The following SLC46A1 variants were observed in gnomAD, a reference collection of about 807,000 sequenced individuals.
SLC46A1 encodes the protein solute carrier family 46 member 1.
A neutral mutation model predicts 32.1 loss-of-function variants in SLC46A1; 17 were observed. The observed-to-expected ratio is 0.53, with a 90% CI of 0.36 to 0.79. The LOEUF is 0.79. Ranked by LOEUF, SLC46A1 falls within the 30% of genes least tolerant of loss-of-function variation. SLC46A1 has a pLI of 0.00. For missense variants in SLC46A1, 517 were observed against 588.2 expected, an observed-to-expected ratio of 0.88 and a Z score of 1.25; for synonymous variants, 240 against 262.7, an observed-to-expected ratio of 0.91 and a Z score of 0.84.
chr17:28,403,013 G>A (rs781818791), intron 2 of SLC46A1: 1 of 152,246 alleles, frequency 6.6e-6, no homozygotes, highest in Non-Finnish European at 1.5e-5. Context: ...GAGGAGGAGA[G>A]TCAATGTGAG....
At position 28,398,337 on chromosome 17, in the gene SLC46A1, G is replaced by A. The variant is rs1712589306; in HGVS notation, c.*1319C>T. 6.6e-6 allele frequency: 1 copy of A among 152,438 alleles called. No homozygotes were observed. The highest frequency in any genetic ancestry group is 2.1e-4 in the South Asian group (1 of 4,834). 9.4% of individuals were successfully genotyped at this position (152,438 alleles called of 1,614,324 possible). A position where few individuals can be genotyped will look rare whatever the true frequency, so the allele number is the denominator to read the frequency against. On this transcript the variant is annotated 3_prime_UTR_variant, in exon 5 of 5. Transcript: ENST00000612814. ...CCTCTGCCCGATCTTCTGTCTCTCTGAGGGAATCAGAGTCCAGCATCCAGC... is the reference window on the plus strand; with the variant it reads ...CCTCTGCCCGATCTTCTGTCTCTCTAAGGGAATCAGAGTCCAGCATCCAGC...
rs1555590576 is a variant in SLC46A1 at position 28,404,911 on chromosome 17, C to T, written c.786G>A (p.Lys262=). The stretch of plus-strand genomic sequence containing the variant: ...AGTAGAGGGCTAAATGTTTCCTGGA[C>T]TTCTCTGGGGCGGGAGCCACATAGA... ...VQLYVAPAPE[K]SRKHLALYSL... Residue 262 remains lysine, a synonymous_variant, in exon 2 of 5, where the codon AAG becomes AAA. Transcript: ENST00000612814. 6.2e-7 allele frequency: 1 copy of T among 1,613,932 alleles called. No individual in the cohort carries two copies. Among genetic ancestry groups the T allele is most frequent in the Non-Finnish European group, 8.5e-7 (1 of 1,179,906 alleles).
intron 3 of SLC46A1, 157 bp downstream of exon 3, chr17:28,402,081 G>A (rs1567816737): frequency 6.5e-6 from 4 of 615,778 alleles, no homozygotes; most frequent in Non-Finnish European, 1.1e-5. Flanking sequence ...TCTGCCCATT[G>A]TGGGCAATTT....
intron 1 of SLC46A1, 58 bp downstream of exon 1, chr17:28,405,829 T>G: frequency 4.7e-6 from 7 of 1,494,104 alleles, no homozygotes; most frequent in Non-Finnish European, 6.3e-6. Context: ...GCCCCTCCGC[T>G]GCCCCCACGC....
Position 28,405,153 on chromosome 17 carries a change from C to T in SLC46A1, c.544G>A (p.Ala182Thr). 1 of 1,611,746 alleles carries T rather than the reference C, an allele frequency of 6.2e-7. No individual in the cohort carries two copies. Among genetic ancestry groups the T allele is most frequent in the South Asian group, 1.1e-5 (1 of 90,926 alleles). The change falls in exon 2 of 5, where the codon GCC becomes ACC. Residue 182 changes from alanine to threonine, a missense_variant. Ala to Thr is a moderately conservative substitution (Grantham distance 58, BLOSUM62 0). Transcript: ENST00000612814. ...SSSRSRTFRM[A>T]LLEASIGVAG... ...ACCCCGATGCTGGCTTCCAGCAGGG[C>T]CATCCGGAAGGTGCGGCTGCGACTG...
Position 28,399,725 on chromosome 17 carries a change from CA to C in SLC46A1, c.1323-13del. On this transcript the variant is annotated splice_polypyrimidine_tract_variant and intron_variant, in intron 4 of 4. Transcript: ENST00000612814. ...CCTTTTCCAGCATCCTGTGAGAGAC[CA>C]GAGAGAGAGTTTGGATTTCATGTGG... 1 of 1,613,724 alleles carries C rather than the reference CA, an allele frequency of 6.2e-7. No homozygotes were observed. The highest frequency in any genetic ancestry group is 8.5e-7 in the Non-Finnish European group (1 of 1,179,786).
In SLC46A1 at chr17:28,395,721, G is replaced by A. The variant is rs1374184459; in HGVS notation, c.*3935C>T. 1.8e-5 allele frequency: 11 copies of A among 619,474 alleles called. No individual in the cohort carries two copies. Among genetic ancestry groups the A allele is most frequent in the East Asian group, 1.1e-4 (4 of 35,340 alleles). The allele number at this position is 619,474 out of a possible 1,614,324, so 38.4% of individuals were successfully genotyped here. A position where few individuals can be genotyped will look rare whatever the true frequency, so the allele number is the denominator to read the frequency against. On this transcript the variant is annotated 3_prime_UTR_variant, in exon 5 of 5. Coordinates refer to ENST00000612814, the MANE Select transcript of SLC46A1 (RefSeq NM_080669.6). ...AGCAGCTCTGTGCCAGGAACTCTGG[G>A]CAAAGGAAAAATATTTATTTTTTAT...
chr17:28,402,182 C>A (rs368140256), intron 3 of SLC46A1, 56 bp downstream of exon 3: 1,165 of 1,481,180 alleles, frequency 7.9e-4, no homozygotes, highest in Non-Finnish European at 1.0e-3. Context: ...CCCATCAGCC[C>A]GTTTCGGGCA....
rs1555591049 is a variant in SLC46A1 at position 28,405,427 on chromosome 17, G to T, written c.270C>A (p.Asn90Lys). The T allele has an allele frequency of 6.3e-7, 1 of 1,594,472 alleles. No individual in the cohort carries two copies. The highest frequency in any genetic ancestry group is 8.5e-7 in the Non-Finnish European group (1 of 1,171,400). The stretch of plus-strand genomic sequence containing the variant: ...AGAGCCCCACCAGGAAGCCGCCCAC[G>T]TTCATGTAGAGGGTCCAGTGGGAGG... Reference protein sequence around the residue: ...TLTSHWTLYMNVGGFLVGLFS... With the variant: ...TLTSHWTLYMKVGGFLVGLFS... Residue 90 changes from asparagine to lysine, a missense_variant, in exon 2 of 5, where the codon AAC becomes AAA. Transcript: ENST00000612814.
chr17:28,405,802 A>G (rs2068254027), intron 1 of SLC46A1, 85 bp downstream of exon 1: 4 of 1,377,756 alleles, frequency 2.9e-6, no homozygotes, highest in Non-Finnish European at 3.9e-6. Context: ...ACCCGCCACT[A>G]CCATTACGCA....
rs1049059724 is a variant in SLC46A1, at chr17:28,396,496, G to A, written c.*3160C>T. ...GGGAAGGGAAGTCAGGCTTGGGCAC[G>A]GGAGGTTAGAACTCCCCCAGGCCCT... is the stretch of plus-strand genomic sequence containing the variant. On this transcript the variant is annotated 3_prime_UTR_variant, in exon 5 of 5. Coordinates refer to ENST00000612814, the MANE Select transcript of SLC46A1 (RefSeq NM_080669.6). The A allele has an allele frequency of 1.1e-5, 7 of 613,630 alleles. No homozygotes were observed. The highest frequency in any genetic ancestry group is 6.1e-5 in the South Asian group (3 of 49,246). The allele number at this position is 613,630 out of a possible 1,614,324, so 38.0% of individuals were successfully genotyped here.
At position 28,396,459 on chromosome 17, in the gene SLC46A1, AG is replaced by A. The variant is rs1332618100; in HGVS notation, c.*3196del. The A allele has an allele frequency of 3.4e-5, 25 of 725,122 alleles. 1 individual carries two copies. The highest frequency in any genetic ancestry group is 4.9e-5 in the Non-Finnish European group (22 of 448,856). The allele number at this position is 725,122 out of a possible 1,614,324, so 44.9% of individuals were successfully genotyped here. A position where few individuals can be genotyped will look rare whatever the true frequency, so the allele number is the denominator to read the frequency against. The stretch of plus-strand genomic sequence containing the variant: ...GGCCCACCTCCAACCCACTTTCCTC[AG>A]TATCTGGAGAGGGAAGGGAAGTCAG... On this transcript the variant is annotated 3_prime_UTR_variant, in exon 5 of 5. Coordinates refer to ENST00000612814, the MANE Select transcript of SLC46A1 (RefSeq NM_080669.6).
chr17:28,400,866 C>T (rs1051142297), intron 3 of SLC46A1, 100 bp from the exon 4 acceptor site: 41 of 1,025,942 alleles, frequency 4.0e-5, no homozygotes, highest in Non-Finnish European at 5.9e-5. Context: ...AGTCACTTAA[C>T]CTATGTCTCC....
chr17:28,405,135 T>A lies in SLC46A1; in HGVS notation c.562A>T (p.Ile188Phe), dbSNP rs2068241962. 1 of 1,612,780 alleles carries A rather than the reference T, an allele frequency of 6.2e-7. No individual in the cohort carries two copies. The highest frequency in any genetic ancestry group is 8.5e-7 in the Non-Finnish European group (1 of 1,179,178). Reference protein sequence around the residue: ...TFRMALLEASIGVAGMLASLL... With the variant: ...TFRMALLEASFGVAGMLASLL... ...CTTGCCAGCATCCCAGCCACCCCGA[T>A]GCTGGCTTCCAGCAGGGCCATCCGG... Residue 188 changes from isoleucine to phenylalanine, a missense_variant, in exon 2 of 5, where the codon ATC (isoleucine) becomes TTC (phenylalanine). Coordinates refer to ENST00000612814, the MANE Select transcript of SLC46A1 (RefSeq NM_080669.6).
Position 28,406,172 on chromosome 17 carries a change from G to T in SLC46A1, c.-58C>A. 1 of 1,260,996 alleles carries T rather than the reference G, an allele frequency of 7.9e-7. No individual in the cohort carries two copies. Among genetic ancestry groups the T allele is most frequent in the Non-Finnish European group, 1.0e-6 (1 of 983,724 alleles). 78.1% of individuals were successfully genotyped at this position (1,260,996 alleles called of 1,614,324 possible). ...CGGCGGGGCGCGCGAGCGACTCGCT[G>T]CCTGGGACCAGCGACGCGTGGCGTG... On this transcript the variant is annotated 5_prime_UTR_variant, in exon 1 of 5. Transcript: ENST00000612814. This position sits in a 1 kb window ranked among gnomAD's most constrained non-coding sequence, Gnocchi z 4.5.
intron 2 of SLC46A1, chr17:28,403,131 C>A (rs2068217307): frequency 6.6e-6 from 1 of 152,212 alleles, no homozygotes; most frequent in Non-Finnish European, 1.5e-5. Context: ...TGCAAGGGAG[C>A]ACTGCCTGCT....
Position 28,399,557 on chromosome 17 carries a change from G to C in SLC46A1, c.*99C>G, listed in dbSNP as rs782585207. ...AAGAGAGCACTGCCCTTAGACAAGA[G>C]TTGCTTGTCCTGCTGTGGGCTGGGC... is the stretch of plus-strand genomic sequence containing the variant. On this transcript the variant is annotated 3_prime_UTR_variant, in exon 5 of 5. Coordinates refer to ENST00000612814, the MANE Select transcript of SLC46A1 (RefSeq NM_080669.6). 41 of 1,260,612 alleles carry C rather than the reference G, an allele frequency of 3.3e-5. No individual in the cohort carries two copies. The highest frequency in any genetic ancestry group is 4.6e-5 in the Non-Finnish European group (40 of 871,298). 78.1% of individuals were successfully genotyped at this position (1,260,612 alleles called of 1,614,324 possible).
At chr17:28,403,653 T>C (rs2068221820) in intron 2 of SLC46A1, 1 of 152,188 alleles carries the variant, frequency 6.6e-6, no homozygotes, top group African/African-American at 2.4e-5. Flanking sequence ...AATCTGTGAT[T>C]ATTGTATTGT....
chr17:28,400,132 T>C, intron 4 of SLC46A1: 1 of 234,578 alleles, frequency 4.3e-6, no homozygotes, highest in Non-Finnish European at 8.5e-6. Context: ...CGGGCTCAAG[T>C]GGTCCTCCTG....
Sources: allele counts gnomAD v4.1 joint callset, GRCh38; gene constraint gnomAD v4.1.1; non-coding constraint Gnocchi (gnomAD v3.1); transcripts MANE v1.5; gene names NCBI Gene and HGNC (gene_info 2026-07-23, HGNC 2026-07-21).